The following ACSL5 variants were observed in gnomAD, a reference collection of about 807,000 sequenced individuals.
The protein encoded by ACSL5 is long-chain-fatty-acid--CoA ligase 5.
ACSL5 carries 50 observed loss-of-function variants against 84.9 expected under a neutral mutation model. That is an observed-to-expected ratio of 0.59 (90% confidence interval 0.47 to 0.75). The LOEUF is 0.75. Among genes scored for constraint, ACSL5 ranks in the 30% least tolerant of loss-of-function variants. The pLI, the probability that ACSL5 is intolerant of heterozygous loss-of-function variation, is 0.00. For missense variants in ACSL5, 775 were observed against 830.4 expected (o/e 0.93, Z 0.82); for synonymous variants, 280 against 300.7 (o/e 0.93, Z 0.71).
At chr10:112,416,285 C>T (rs1438164438) in intron 12 of ACSL5, among the ~76,000 whole-genome samples, 2 of 152,068 alleles carry the variant, frequency 1.3e-5, no homozygotes, top group Middle Eastern at 3.2e-3. Context: ...TCCTGGCTAA[C>T]ATGGTGAAAC....
At chr10:112,410,747 G>A in intron 9 of ACSL5, 112 bp downstream of exon 9, 3 of 1,101,996 alleles carry the variant, frequency 2.7e-6, no homozygotes, top group South Asian at 2.9e-5. Context: ...CTATACTTAG[G>A]GGCTCACAGC....
At chr10:112,412,251 T>C in intron 11 of ACSL5, 1 of 388,782 alleles carries the variant, frequency 2.6e-6, no homozygotes, top group Non-Finnish European at 4.6e-6. Flanking sequence ...AGCTAGGAGC[T>C]TACTATCTAT....
intron 1 of ACSL5, among the ~76,000 whole-genome samples, chr10:112,386,503 C>T (rs1005437278): frequency 2.6e-5 from 4 of 151,860 alleles, no homozygotes; most frequent in African/African-American, 7.2e-5. Context: ...CAGAAAACTC[C>T]TATAGCTCTA....
intron 1 of ACSL5, among the ~76,000 whole-genome samples, chr10:112,381,040 G>A (rs1849338961): frequency 6.6e-6 from 1 of 152,192 alleles, no homozygotes; most frequent in South Asian, 2.1e-4. Flanking sequence ...AAAGTGCAGA[G>A]ATTACAGGGA....
intron 1 of ACSL5, among the ~76,000 whole-genome samples, chr10:112,393,668 G>A (rs1843686882): frequency 6.6e-6 from 1 of 152,170 alleles, no homozygotes; most frequent in Admixed American, 6.5e-5. Context: ...TGTTTCATCA[G>A]GCATTGCAGT....
At chr10:112,385,486 C>T (rs563342705) in intron 1 of ACSL5, among the ~76,000 whole-genome samples, 175 of 152,336 alleles carry the variant, frequency 1.1e-3, no homozygotes, top group East Asian at 6.0e-3. Context: ...TACATTTCCA[C>T]AATTCACGTT....
intron 17 of ACSL5, chr10:112,424,793 C>G (rs1052515395): frequency 6.6e-6 from 1 of 152,222 alleles, no homozygotes; most frequent in African/African-American, 2.4e-5. Context: ...TGCAAATGAC[C>G]TTTGGTGGCT....
chr10:112,394,543 G>C (rs2133591389), intron 1 of ACSL5, among the ~76,000 whole-genome samples: 1 of 152,330 alleles, frequency 6.6e-6, no homozygotes, highest in East Asian at 1.9e-4. Context: ...AGGAGGTACT[G>C]TCCTCTGACC....
chr10:112,376,307 T>A (rs748801193), intron 1 of ACSL5: 6 of 1,613,984 alleles, frequency 3.7e-6, no homozygotes, highest in African/African-American at 1.3e-5. Flanking sequence ...GCCTTCTGCC[T>A]GCATGGACGC....
intron 15 of ACSL5, 36 bp downstream of exon 15, chr10:112,421,701 G>C (rs778964433): frequency 7.6e-5 from 121 of 1,585,640 alleles, no homozygotes; most frequent in Non-Finnish European, 1.0e-4. Flanking sequence ...AGGTGCCATG[G>C]TTGGGAGAAA....
intron 3 of ACSL5, among the ~76,000 whole-genome samples, chr10:112,399,650 A>G (rs1328262580): frequency 3.3e-5 from 5 of 152,248 alleles, no homozygotes; most frequent in Non-Finnish European, 7.3e-5. Flanking sequence ...CTGCTGGCTT[A>G]TAGCTCTTTC....
chr10:112,376,462 C>T (rs747584394), intron 1 of ACSL5: 8 of 1,613,790 alleles, frequency 5.0e-6, no homozygotes, highest in African/African-American at 2.7e-5. Context: ...AGGGGACCAT[C>T]GAGGGGGTGT....
At position 112,422,309 on chromosome 10, in the gene ACSL5, T is replaced by C. The variant is rs1844484035; in HGVS notation, c.1477-16T>C. 1.9e-6 allele frequency: 3 copies of C among 1,605,658 alleles called. No homozygotes were observed. The highest frequency in any genetic ancestry group is 1.3e-5 in the African/African-American group (1 of 74,644). On this transcript the variant is annotated splice_polypyrimidine_tract_variant and intron_variant, in intron 16 of 20. Transcript: ENST00000354655. ...AGCCTTTGCTATTGTCACCGCCTTG[T>C]ATGTCTGCTGTGCAGGTCTGCATCA...
At chr10:112,408,185 G>C (rs1465367989) in intron 5 of ACSL5, among the ~76,000 whole-genome samples, 4 of 151,718 alleles carry the variant, frequency 2.6e-5, no homozygotes, top group Admixed American at 2.6e-4. Context: ...TGTAGTTCCA[G>C]CTACTCAGGA....
rs190017348 is a variant in ACSL5, at chr10:112,418,443, G to A, written c.1314+502G>A. On this transcript the variant is annotated intron_variant, in intron 14 of 20. Coordinates refer to ENST00000354655, the MANE Select transcript of ACSL5 (RefSeq NM_203379.2). Reference sequence around the variant, plus strand: ...AAAAATACAAAAAAATTAGCTGGGCGTGGTGGTGGGCGCCTGTAGTCCCAG... The same window carrying A: ...AAAAATACAAAAAAATTAGCTGGGCATGGTGGTGGGCGCCTGTAGTCCCAG... Among the ~76,000 whole-genome samples the A allele has an allele frequency of 5.1e-3, 783 of 152,196 alleles. 7 individuals carry two copies. Among genetic ancestry groups the A allele is most frequent in the Non-Finnish European group, 8.8e-3 (601 of 67,988 alleles).
intron 1 of ACSL5, among the ~76,000 whole-genome samples, chr10:112,393,887 A>T (rs1347434723): frequency 6.6e-6 from 1 of 152,230 alleles, no homozygotes; most frequent in Non-Finnish European, 1.5e-5. Context: ...TCTTCTGTGA[A>T]ATACTACTTT....
At position 112,402,463 on chromosome 10, in the gene ACSL5, C is replaced by T. The variant is rs942993448; in HGVS notation, c.266-2048C>T. 2.6e-5 allele frequency among the ~76,000 whole-genome samples: 4 copies of T among 152,170 alleles called. 1 individual carries two copies. The highest frequency in any genetic ancestry group is 2.0e-4 in the Admixed American group (3 of 15,280). ...TGATTAATGTTAGTACAAATGATCT[C>T]AATGTTAGACCACCCAAGACACACA... On this transcript the variant is annotated intron_variant, in intron 3 of 20. Coordinates refer to ENST00000354655, the MANE Select transcript of ACSL5 (RefSeq NM_203379.2).
chr10:112,422,388 G>A lies in ACSL5; in HGVS notation c.1540G>A (p.Ala514Thr). The stretch of plus-strand genomic sequence containing the variant: ...GAAGGACCCTGAGAAGACACAGGAA[G>A]CCCTGGACAGTGATGGCTGGCTTCA... ...YLKDPEKTQE[A>T]LDSDGWLHTG... Residue 514 changes from alanine (A) to threonine (T), a missense_variant, in exon 17 of 21, where the codon GCC (alanine) becomes ACC (threonine). By Grantham distance (58) the Ala-to-Thr change is moderately conservative (BLOSUM62 0). Coordinates refer to ENST00000354655, the MANE Select transcript of ACSL5 (RefSeq NM_203379.2). The A allele has an allele frequency of 6.2e-7, 1 of 1,614,222 alleles. No individual in the cohort carries two copies.
At chr10:112,374,499 G>A (rs1224854228) in intron 1 of ACSL5, among the ~76,000 whole-genome samples, 1 of 152,152 alleles carries the variant, frequency 6.6e-6, no homozygotes, top group African/African-American at 2.4e-5. Context: ...ATGCTAGCAG[G>A]GGATGGAATT....
Sources: gnomAD v4.1 joint callset for allele counts (sites outside exome capture counted in the v4.1 genomes callset) on GRCh38, gnomAD v4.1.1 for gene constraint, MANE v1.5 for transcripts, NCBI Gene and HGNC (gene_info 2026-07-23, HGNC 2026-07-21) for gene names.